Variants in DSCAM observed in about 807,000 individuals in gnomAD.
The protein encoded by DSCAM is DS cell adhesion molecule, also known as cell adhesion molecule DSCAM.
Under a neutral mutation model 217.7 loss-of-function variants are expected in DSCAM, and 47 were observed. The observed-to-expected ratio is 0.22, with a 90% CI of 0.17 to 0.28. DSCAM has a LOEUF of 0.28. DSCAM is among the 10% of genes least tolerant of loss of function. The pLI, the probability that DSCAM is intolerant of heterozygous loss-of-function variation, is 1.00. For missense variants in DSCAM, 2,080 were observed against 2,618.3 expected (o/e 0.79, Z 4.49); for synonymous variants, 1,056 against 1,015.3 (o/e 1.04, Z -0.76).
At chr21:40,643,809 G>A (rs1460069542) in intron 3 of DSCAM, among the ~76,000 whole-genome samples, 3 of 152,338 alleles carry the variant, frequency 2.0e-5, no homozygotes, top group South Asian at 4.2e-4. Context: ...CAATGAGTAT[G>A]CAGCTACCTG....
At chr21:40,711,181 C>T (rs2837791) in intron 1 of DSCAM, among the ~76,000 whole-genome samples, 1 of 151,908 alleles carries the variant, frequency 6.6e-6, no homozygotes, top group African/African-American at 2.4e-5. Flanking sequence ...GTGGGGATTA[C>T]AGGCAGCTCT....
intron 11 of DSCAM, among the ~76,000 whole-genome samples, chr21:40,262,448 A>G (rs1293737457): frequency 6.6e-6 from 1 of 152,088 alleles, no homozygotes; most frequent in East Asian, 1.9e-4. Flanking sequence ...AAATAAGCCT[A>G]TTTTCTTTAT....
At chr21:40,334,834 T>C (rs937856155) in intron 8 of DSCAM, among the ~76,000 whole-genome samples, 6 of 152,000 alleles carry the variant, frequency 3.9e-5, no homozygotes, top group Admixed American at 3.9e-4. Flanking sequence ...TTTAAAACCT[T>C]AGTCTGGCCA....
At chr21:40,337,414 T>C (rs1472647731) in intron 8 of DSCAM, among the ~76,000 whole-genome samples, 1 of 152,230 alleles carries the variant, frequency 6.6e-6, no homozygotes, top group South Asian at 2.1e-4. Flanking sequence ...AACTGACTTG[T>C]AGAATAGAAG....
intron 4 of DSCAM, 114 bp from the exon 5 acceptor site, chr21:40,353,857 C>G: frequency 2.1e-6 from 2 of 942,964 alleles, no homozygotes; most frequent in Non-Finnish European, 1.5e-6. Flanking sequence ...ACTATTGATA[C>G]AGATCTTTAA....
At chr21:40,537,674 G>C (rs1288437154) in intron 3 of DSCAM, among the ~76,000 whole-genome samples, 1 of 152,132 alleles carries the variant, frequency 6.6e-6, no homozygotes, top group Non-Finnish European at 1.5e-5. Context: ...CAGACACACA[G>C]AGAGAATGCC....
intron 3 of DSCAM, among the ~76,000 whole-genome samples, chr21:40,682,692 G>A (rs1385120608): frequency 3.1e-4 from 1 of 3,208 alleles, no homozygotes; most frequent in Non-Finnish European, 7.0e-4. Flanking sequence ...GGGGAAGGGA[G>A]CGGAGGGGAA....
intron 3 of DSCAM, among the ~76,000 whole-genome samples, chr21:40,516,985 A>G (rs1231387060): frequency 1.4e-5 from 2 of 147,744 alleles, no homozygotes; most frequent in Non-Finnish European, 3.0e-5. Flanking sequence ...TATTATATAT[A>G]TACATATATA....
At chr21:40,444,289 A>G (rs867336763) in intron 3 of DSCAM, among the ~76,000 whole-genome samples, 12 of 152,320 alleles carry the variant, frequency 7.9e-5, no homozygotes, top group Admixed American at 1.3e-4. Flanking sequence ...TGTAACTGGC[A>G]GCCAAGGTCG....
At chr21:40,083,138 C>T (rs576894955) in intron 24 of DSCAM, among the ~76,000 whole-genome samples, 154 of 152,310 alleles carry the variant, frequency 1.0e-3, no homozygotes, top group African/African-American at 3.5e-3. Context: ...TCCATATAAA[C>T]CTCATTTAGG....
chr21:40,786,392 T>A (rs763227456), intron 1 of DSCAM, among the ~76,000 whole-genome samples: 5 of 152,136 alleles, frequency 3.3e-5, no homozygotes, highest in Non-Finnish European at 5.9e-5. Context: ...GGTACCATAG[T>A]CACGGGCTCC....
chr21:40,757,708 C>T (rs1172300351), intron 1 of DSCAM, among the ~76,000 whole-genome samples: 2 of 152,318 alleles, frequency 1.3e-5, no homozygotes, highest in Non-Finnish European at 1.5e-5. Flanking sequence ...AAGAGAGTGC[C>T]TCTCCTTACT....
intron 32 of DSCAM, among the ~76,000 whole-genome samples, chr21:40,028,806 C>G (rs924891684): frequency 1.3e-5 from 2 of 152,224 alleles, no homozygotes; most frequent in African/African-American, 4.8e-5. Flanking sequence ...CTGCGTCGCT[C>G]ACGCTGGGAG....
chr21:40,143,806 A>G (rs1214054096), intron 17 of DSCAM, among the ~76,000 whole-genome samples: 2 of 152,126 alleles, frequency 1.3e-5, no homozygotes, highest in Non-Finnish European at 2.9e-5. Flanking sequence ...AAAATCTATG[A>G]TCAAATGACT....
intron 3 of DSCAM, among the ~76,000 whole-genome samples, chr21:40,452,169 A>G (rs1275186730): frequency 6.6e-6 from 1 of 151,890 alleles, no homozygotes; most frequent in African/African-American, 2.4e-5. Context: ...GACTATATGT[A>G]CTATATATAG....
intron 1 of DSCAM, among the ~76,000 whole-genome samples, chr21:40,810,891 C>G (rs1235823597): frequency 2.7e-5 from 4 of 150,480 alleles, no homozygotes; most frequent in Admixed American, 6.7e-5. Flanking sequence ...GGGAACAGAG[C>G]AAGACCCTGT....
At chr21:40,068,437 G>GTA (rs563416038) in intron 27 of DSCAM, among the ~76,000 whole-genome samples, 126 of 152,230 alleles carry the variant, frequency 8.3e-4, no homozygotes, top group African/African-American at 2.9e-3. Context: ...GCCTCTCTCT[G>GTA]TATATAATAT....
At chr21:40,080,372 C>G (rs750115934) in intron 24 of DSCAM, 32 bp from the exon 25 acceptor site, 5 of 1,512,922 alleles carry the variant, frequency 3.3e-6, no homozygotes, top group Non-Finnish European at 4.5e-6. Context: ...CACATGAGCA[C>G]TGTGTTTGCT....
intron 16 of DSCAM, among the ~76,000 whole-genome samples, chr21:40,146,928 A>G (rs2837459): frequency 0.47 from 71,900 of 151,964 alleles, 19,636 homozygotes; most frequent in South Asian, 0.63. Context: ...CCACTGAATT[A>G]CATTTATGTG....
Sources: allele counts gnomAD v4.1 joint callset (sites outside exome capture counted in the v4.1 genomes callset), GRCh38; gene constraint gnomAD v4.1.1; transcripts MANE v1.5; gene names NCBI Gene and HGNC (gene_info 2026-07-23, HGNC 2026-07-21).